Variants in OSBPL8 observed in about 807,000 individuals in gnomAD.
OSBPL8 encodes the protein oxysterol binding protein like 8, also known as oxysterol-binding protein-related protein 8.
A neutral mutation model predicts 125.5 loss-of-function variants in OSBPL8; 59 were observed. That is an observed-to-expected ratio of 0.47 (90% CI 0.38 to 0.58). The LOEUF (loss-of-function observed/expected upper bound fraction) is 0.58, where lower values mean the gene tolerates loss of function less well. OSBPL8 is among the 20% of genes least tolerant of loss of function. The probability of loss-of-function intolerance (pLI) is 0.00; values close to 1 mark genes in which losing one functional copy is unlikely to be tolerated. For missense variants in OSBPL8, 758 were observed against 1,047.8 expected (o/e 0.72, Z 3.82); for synonymous variants, 330 against 338.9 (o/e 0.97, Z 0.29).
intron 1 of OSBPL8, among the ~76,000 whole-genome samples, chr12:76,519,764 G>A (rs55768812): frequency 0.019 from 2,878 of 152,186 alleles, 74 homozygotes; most frequent in African/African-American, 0.062. Context: ...GTAAGGGAAC[G>A]GGTTAGGGGG....
chr12:76,534,803 G>A (rs1046855418), intron 1 of OSBPL8, among the ~76,000 whole-genome samples: 3 of 152,056 alleles, frequency 2.0e-5, no homozygotes, highest in Non-Finnish European at 2.9e-5. Context: ...CTAGCATACC[G>A]CACATATATC....
At chr12:76,386,042 A>G in intron 14 of OSBPL8, 126 bp downstream of exon 14, 1 of 1,364,144 alleles carries the variant, frequency 7.3e-7, no homozygotes, top group South Asian at 1.5e-5. Flanking sequence ...AAAAGGTTAA[A>G]TGTTTACCAA....
chr12:76,487,466 A>C, intron 2 of OSBPL8, 44 bp downstream of exon 2: 1 of 1,520,886 alleles, frequency 6.6e-7, no homozygotes, highest in African/African-American at 1.4e-5. Context: ...CAAACACTTC[A>C]CAGTTACAGA....
At chr12:76,529,193 A>G (rs754802312) in intron 1 of OSBPL8, among the ~76,000 whole-genome samples, 20 of 152,336 alleles carry the variant, frequency 1.3e-4, no homozygotes, top group Admixed American at 2.0e-4. Flanking sequence ...TTAAAGCATT[A>G]TGAACTAACA....
chr12:76,384,403 T>G (rs1022385381), intron 14 of OSBPL8, 53 bp from the exon 15 acceptor site: 23 of 1,015,104 alleles, frequency 2.3e-5, no homozygotes, highest in Non-Finnish European at 3.0e-5. Flanking sequence ...CATGTTTATA[T>G]AAAATATAAA....
At chr12:76,552,697 CT>C (rs1950980155) in intron 1 of OSBPL8, among the ~76,000 whole-genome samples, 1 of 152,118 alleles carries the variant, frequency 6.6e-6, no homozygotes, top group South Asian at 2.1e-4. Context: ...CCCCTCTCTG[CT>C]TAAATATGCC....
At chr12:76,418,754 C>T (rs1869068026) in intron 4 of OSBPL8, among the ~76,000 whole-genome samples, 1 of 151,862 alleles carries the variant, frequency 6.6e-6, no homozygotes, top group African/African-American at 2.4e-5. Flanking sequence ...ATCACTTGAA[C>T]CCCAGGAGGC....
chr12:76,365,325 A>G (rs1952375348), intron 21 of OSBPL8, among the ~76,000 whole-genome samples: 1 of 152,086 alleles, frequency 6.6e-6, no homozygotes, highest in Non-Finnish European at 1.5e-5. Flanking sequence ...TTTCTTTAGC[A>G]ATGTTTTATA....
At chr12:76,391,895 G>A (rs1355609813) in intron 10 of OSBPL8, among the ~76,000 whole-genome samples, 1 of 152,196 alleles carries the variant, frequency 6.6e-6, no homozygotes, top group East Asian at 1.9e-4. Flanking sequence ...CAACCTCAAT[G>A]CTGATGAAAG....
chr12:76,484,190 T>C (rs1354204891), intron 2 of OSBPL8, among the ~76,000 whole-genome samples: 1 of 152,218 alleles, frequency 6.6e-6, no homozygotes, highest in African/African-American at 2.4e-5. Flanking sequence ...CCTGCCTTAA[T>C]ATTTTTTACT....
At chr12:76,444,744 T>C (rs1244424632) in intron 4 of OSBPL8, among the ~76,000 whole-genome samples, 1 of 152,184 alleles carries the variant, frequency 6.6e-6, no homozygotes, top group Admixed American at 6.5e-5. Context: ...ACACATTATG[T>C]TACTGAGCCT....
intron 1 of OSBPL8, among the ~76,000 whole-genome samples, chr12:76,501,633 AG>A (rs1486136469): frequency 6.6e-6 from 1 of 152,232 alleles, no homozygotes; most frequent in Non-Finnish European, 1.5e-5. Flanking sequence ...TGAACAAAGT[AG>A]CCATGGTGAC....
intron 12 of OSBPL8, among the ~76,000 whole-genome samples, chr12:76,388,226 T>C (rs1009514003): frequency 6.6e-6 from 1 of 152,206 alleles, no homozygotes; most frequent in Non-Finnish European, 1.5e-5. Flanking sequence ...CTTGTATATA[T>C]GCCATTCTGT....
At chr12:76,403,495 T>G (rs1405912610) in intron 5 of OSBPL8, among the ~76,000 whole-genome samples, 1 of 152,166 alleles carries the variant, frequency 6.6e-6, no homozygotes. Context: ...TCATTAACAT[T>G]GCGGAGATCA....
intron 1 of OSBPL8, among the ~76,000 whole-genome samples, chr12:76,497,199 T>C (rs1170767181): frequency 6.6e-6 from 1 of 152,168 alleles, no homozygotes; most frequent in African/African-American, 2.4e-5. Context: ...GCAAATTTTT[T>C]TTTTTTTTTT....
At chr12:76,418,139 G>A (rs575230779) in intron 4 of OSBPL8, among the ~76,000 whole-genome samples, 83 of 150,660 alleles carry the variant, frequency 5.5e-4, no homozygotes, top group Admixed American at 3.7e-3. Context: ...CCGAGTAGCT[G>A]GGATTATAGG....
intron 7 of OSBPL8, among the ~76,000 whole-genome samples, chr12:76,398,186 T>C (rs987602596): frequency 6.6e-6 from 1 of 152,140 alleles, no homozygotes; most frequent in African/African-American, 2.4e-5. Flanking sequence ...CATTAAAATA[T>C]GCTTTCTTAG....
intron 8 of OSBPL8, among the ~76,000 whole-genome samples, chr12:76,396,461 G>A (rs752974310): frequency 3.9e-5 from 6 of 152,070 alleles, no homozygotes; most frequent in South Asian, 2.1e-4. Context: ...TGATCATTTC[G>A]TAAAAACTTA....
At chr12:76,526,625 C>G (rs1266913344) in intron 1 of OSBPL8, among the ~76,000 whole-genome samples, 1 of 132,622 alleles carries the variant, frequency 7.5e-6, no homozygotes, top group Admixed American at 8.1e-5. Context: ...TACTTGCTAT[C>G]AGTAAATCTC....
Sources: gnomAD v4.1 joint callset for allele counts (sites outside exome capture counted in the v4.1 genomes callset) on GRCh38, gnomAD v4.1.1 for gene constraint, MANE v1.5 for transcripts, NCBI Gene and HGNC (gene_info 2026-07-23, HGNC 2026-07-21) for gene names.